Variants in OPA1 observed in about 807,000 individuals in gnomAD.
OPA1 encodes the protein OPA1 mitochondrial dynamin like GTPase.
In OPA1, 59 loss-of-function variants were observed where a neutral mutation model predicts 152.9. That is an observed-to-expected ratio of 0.39 (90% CI 0.31 to 0.48). The LOEUF (loss-of-function observed/expected upper bound fraction) is 0.48. Ranked by LOEUF, OPA1 falls within the 20% of genes least tolerant of loss-of-function variation. The pLI, the probability that OPA1 is intolerant of heterozygous loss-of-function variation, is 0.96. For missense variants in OPA1, 1,008 were observed against 1,216.8 expected (o/e 0.83, Z 2.55); for synonymous variants, 400 against 389.9 (o/e 1.03, Z -0.31).
rs533632432 is a variant in OPA1 at position 193,604,080 on chromosome 3, C to A, written c.33-10643C>A. Among the ~76,000 whole-genome samples the A allele has an allele frequency of 4.6e-5, 7 of 152,330 alleles. No individual in the cohort carries two copies. The South Asian group carries it at 1.4e-3, about 32-fold the overall frequency. On this transcript the variant is annotated intron_variant, in intron 1 of 30. Coordinates refer to ENST00000361510, the MANE Select transcript of OPA1 (RefSeq NM_130837.3). ...GCGTGTGGGACTTGCAAATTAAGTT[C>A]ATTTCCTAAAACCAGATCTGATGAA...
At chr3:193,669,193 G>A (rs916628325) in intron 29 of OPA1, among the ~76,000 whole-genome samples, 11 of 152,208 alleles carry the variant, frequency 7.2e-5, no homozygotes, top group African/African-American at 2.7e-4. Flanking sequence ...GTTACACCCT[G>A]TGCCTGCGCA....
intron 2 of OPA1, 137 bp from the exon 3 acceptor site, chr3:193,615,537 A>G: frequency 1.5e-6 from 1 of 683,420 alleles, no homozygotes; most frequent in Non-Finnish European, 2.6e-6. Context: ...TGCTGAGACC[A>G]CTTAATTTTG....
chr3:193,645,894 T>G, intron 18 of OPA1, 94 bp downstream of exon 18: 1 of 982,530 alleles, frequency 1.0e-6, no homozygotes, highest in Non-Finnish European at 1.6e-6. Flanking sequence ...TTATAACTAT[T>G]AGTTTAACAT....
chr3:193,639,596 A>G (rs1733449647), intron 11 of OPA1, among the ~76,000 whole-genome samples: 1 of 152,206 alleles, frequency 6.6e-6, no homozygotes, highest in Admixed American at 6.5e-5. Flanking sequence ...GCAAATGATG[A>G]CATTAGAGGA....
At chr3:193,621,151 A>G (rs1433049562) in intron 6 of OPA1, among the ~76,000 whole-genome samples, 3 of 152,242 alleles carry the variant, frequency 2.0e-5, no homozygotes, top group Non-Finnish European at 4.4e-5. Flanking sequence ...TAGAAATGTA[A>G]AAGTGCATGT....
intron 9 of OPA1, among the ~76,000 whole-genome samples, chr3:193,636,019 T>C (rs1732874367): frequency 6.6e-6 from 1 of 152,202 alleles, no homozygotes; most frequent in African/African-American, 2.4e-5. Flanking sequence ...AGCACATTGG[T>C]GAACTTATTT....
At chr3:193,629,373 T>C (rs1024932968) in intron 7 of OPA1, among the ~76,000 whole-genome samples, 1 of 152,168 alleles carries the variant, frequency 6.6e-6, no homozygotes, top group Admixed American at 6.5e-5. Flanking sequence ...TTAACACTTG[T>C]GATCATTAAA....
Position 193,614,941 on chromosome 3 carries a change from C to G in OPA1, c.251C>G (p.Pro84Arg). 2 of 1,613,902 alleles carry G rather than the reference C, an allele frequency of 1.2e-6. No homozygotes were observed. The highest frequency in any genetic ancestry group is 1.7e-6 in the Non-Finnish European group (2 of 1,179,780). The change falls in exon 2 of 31, where the codon CCT becomes CGT. Residue 84 changes from proline to arginine, a missense_variant. Physicochemically the swap from Pro to Arg is moderately radical, Grantham distance 103. Around this residue, in one of 7 missense-constraint regions of OPA1, gnomAD observed 408 missense variants for 395.1 expected, o/e 1.03. Coordinates refer to ENST00000361510, the MANE Select transcript of OPA1 (RefSeq NM_130837.3). ...TCTCCAATTAAATATGGCTACCAGC[C>G]TCGCAGGAATTTTTGGCCAGCAAGA... ...KFSPIKYGYQ[P>R]RRNFWPARLA...
chr3:193,645,260 T>C (rs1489468031), intron 16 of OPA1, among the ~76,000 whole-genome samples: 1 of 152,188 alleles, frequency 6.6e-6, no homozygotes, highest in Non-Finnish European at 1.5e-5. Context: ...TTACTTAAGG[T>C]CGCATAACTA....
Position 193,596,340 on chromosome 3 carries a change from T to TTTCCTTTCCTTTCCTTTCCTTTC in OPA1, c.32+2931_32+2932insTTCCTTTCCTTTCCTTTCCTTTC, listed in dbSNP as rs1204679679. Among the ~76,000 whole-genome samples, 116 of 79,340 alleles carry TTTCCTTTCCTTTCCTTTCCTTTC rather than the reference T, an allele frequency of 1.5e-3. No homozygotes were observed. In the East Asian group the frequency reaches 0.016, roughly 11 times the overall value. The allele number at this position is 79,340 out of a possible 152,430, so 52.1% of individuals were successfully genotyped here. ...CCTTTCCTTTCCTTTCCTTTCCTTTTCTTTTCTTTTCTTTTCTTTTCTTAA... is the reference window on the plus strand; with the variant it reads ...CCTTTCCTTTCCTTTCCTTTCCTTTTTTCCTTTCCTTTCCTTTCCTTTCCTTTTCTTTTCTTTTCTTTTCTTAA... On this transcript the variant is annotated intron_variant, in intron 1 of 30. Transcript: ENST00000361510.
At chr3:193,643,351 T>C (rs1212124367) in intron 13 of OPA1, 22 bp from the exon 14 acceptor site, 1 of 1,579,240 alleles carries the variant, frequency 6.3e-7, no homozygotes, top group Admixed American at 1.7e-5. Flanking sequence ...AGCATTGTTT[T>C]ATTTTTATTT....
intron 24 of OPA1, 133 bp from the exon 25 acceptor site, chr3:193,659,349 T>C (rs1168573099): frequency 1.3e-6 from 1 of 773,186 alleles, no homozygotes; most frequent in Non-Finnish European, 2.2e-6. Context: ...GTCATGTGGG[T>C]TTTTTCCTTT....
intron 23 of OPA1, among the ~76,000 whole-genome samples, chr3:193,658,221 G>A (rs1238533024): frequency 6.9e-6 from 1 of 145,554 alleles, no homozygotes; most frequent in Non-Finnish European, 1.5e-5. Flanking sequence ...CTCCAGCCAA[G>A]GCAACAAGAG....
intron 29 of OPA1, among the ~76,000 whole-genome samples, chr3:193,687,113 A>T (rs1463480337): frequency 6.6e-6 from 1 of 152,230 alleles, no homozygotes; most frequent in African/African-American, 2.4e-5. Flanking sequence ...CTTTTAGAGC[A>T]AGTATCAGAA....
chr3:193,612,268 CTTT>C (rs34283831), intron 1 of OPA1, among the ~76,000 whole-genome samples: 1 of 116,358 alleles, frequency 8.6e-6, no homozygotes, highest in African/African-American at 3.3e-5. Context: ...GTCTAACTTC[CTTT>C]TTTTTTTTTT....
intron 1 of OPA1, chr3:193,614,041 A>G (rs1728658088): frequency 2.0e-6 from 1 of 510,576 alleles, no homozygotes; most frequent in Non-Finnish European, 3.9e-6. Flanking sequence ...GTAACCTTTC[A>G]TTCTCTTCAG....
chr3:193,618,493 AAAAG>A (rs1204029173), intron 5 of OPA1: 22 of 210,404 alleles, frequency 1.0e-4, no homozygotes, highest in South Asian at 2.0e-4. Context: ...CCCAAAAAAA[AAAAG>A]AAAAGAAAAA....
chr3:193,666,205 A>C, intron 27 of OPA1, 91 bp from the exon 28 acceptor site: 1 of 1,051,836 alleles, frequency 9.5e-7, no homozygotes. Flanking sequence ...AGCTTAGGAC[A>C]TATCTACTGG....
chr3:193,642,694 C>T (rs1733966886), intron 11 of OPA1, 71 bp from the exon 12 acceptor site: 2 of 1,154,960 alleles, frequency 1.7e-6, no homozygotes, highest in Admixed American at 1.7e-5. Context: ...CTGTCTAGAC[C>T]ACATACGGGC....
Sources: gnomAD v4.1 joint callset for allele counts (sites outside exome capture counted in the v4.1 genomes callset) on GRCh38, gnomAD v4.1.1 for gene constraint, gnomAD v4.1.1 regional missense constraint, MANE v1.5 for transcripts, NCBI Gene and HGNC (gene_info 2026-07-23, HGNC 2026-07-21) for gene names.